CFAP46: variants seen among roughly 807,000 people sequenced by gnomAD.
CFAP46 encodes the protein cilia and flagella associated protein 46, also known as cilia- and flagella-associated protein 46.
CFAP46 carries 245 observed loss-of-function variants against 325.7 expected under a neutral mutation model. The ratio of observed to expected loss-of-function variants is 0.75; its 90% CI spans 0.68 to 0.84. The LOEUF (loss-of-function observed/expected upper bound fraction) is 0.84, where lower values mean the gene tolerates loss of function less well. Ranked by LOEUF, CFAP46 falls within the 40% of genes least tolerant of loss-of-function variation. The probability of loss-of-function intolerance (pLI) is 0.00; values close to 1 mark genes in which losing one functional copy is unlikely to be tolerated. For missense variants in CFAP46, 3,346 were observed against 3,543.0 expected, an observed-to-expected ratio of 0.94 and a Z score of 1.41; for synonymous variants, 1,523 against 1,495.9, an observed-to-expected ratio of 1.02 and a Z score of -0.42.
chr10:132,843,976 GCT>G (rs1217781098), intron 44 of CFAP46, among the ~76,000 whole-genome samples: 3 of 133,280 alleles, frequency 2.3e-5, no homozygotes, highest in Non-Finnish European at 4.9e-5. Flanking sequence ...GTGCTGTGGG[GCT>G]CTGGTCTCAG....
chr10:132,909,476 G>A (rs1849508214), intron 20 of CFAP46, among the ~76,000 whole-genome samples: 1 of 152,224 alleles, frequency 6.6e-6, no homozygotes. Flanking sequence ...CTTGTCTGAA[G>A]GCTGGGTGAC....
intron 50 of CFAP46, among the ~76,000 whole-genome samples, chr10:132,818,244 G>C (rs960498151): frequency 6.6e-6 from 1 of 152,024 alleles, no homozygotes. Context: ...GCGATGTGCA[G>C]ACAGCTGGAT....
intron 27 of CFAP46, among the ~76,000 whole-genome samples, chr10:132,882,669 G>T (rs970199136): frequency 4.6e-5 from 7 of 151,990 alleles, no homozygotes; most frequent in Non-Finnish European, 1.0e-4. Flanking sequence ...CTCAGGACGT[G>T]CAGTGAGATC....
chr10:132,923,939 G>A (rs1849767000), intron 11 of CFAP46, among the ~76,000 whole-genome samples: 1 of 152,174 alleles, frequency 6.6e-6, no homozygotes, highest in African/African-American at 2.4e-5. Context: ...GAAAAATTCA[G>A]GGAGCCCCAG....
chr10:132,929,919 G>A, intron 8 of CFAP46, 115 bp from the exon 9 acceptor site: 1 of 749,230 alleles, frequency 1.3e-6, no homozygotes, highest in Non-Finnish European at 2.1e-6. Context: ...GGTAGGATAA[G>A]AAATAAATAA....
intron 50 of CFAP46, among the ~76,000 whole-genome samples, chr10:132,821,356 C>CTG (rs1439642574): frequency 2.9e-5 from 3 of 102,696 alleles, no homozygotes; most frequent in East Asian, 3.2e-4. Flanking sequence ...CTGATGTGTG[C>CTG]TGTGTGTGCT....
At chr10:132,936,809 T>A (rs1304639940) in intron 7 of CFAP46, 152 bp downstream of exon 7, 2 of 420,216 alleles carry the variant, frequency 4.8e-6, no homozygotes, top group Non-Finnish European at 8.3e-6. Context: ...CACCCTGAGG[T>A]CTCCCAGGCT....
At chr10:132,940,307 A>G (rs192331952) in intron 4 of CFAP46, among the ~76,000 whole-genome samples, 2 of 152,244 alleles carry the variant, frequency 1.3e-5, no homozygotes, top group East Asian at 3.9e-4. Context: ...ATGTTCAAGC[A>G]AATATGCTTG....
At position 132,834,710 on chromosome 10, in the gene CFAP46, C is replaced by A. The variant is rs759903479; in HGVS notation, c.6810G>T (p.Gly2270=). The A allele has an allele frequency of 6.2e-7, 1 of 1,612,928 alleles. No individual in the cohort carries two copies. The highest frequency in any genetic ancestry group is 8.5e-7 in the Non-Finnish European group (1 of 1,179,888). ...RPVQRLSSVL[G]PLEELLQPLF... is the part of the protein sequence containing the mutation. ...GCGGCTGCAGAAGCTCCTCCAGGGG[C>A]CCCAGGACGCTACTGAGCCTCTGCA... The change falls in exon 48 of 58, where the codon GGG becomes GGT. Residue 2270 remains glycine, a synonymous_variant. Coordinates refer to ENST00000368586, the MANE Select transcript of CFAP46 (RefSeq NM_001200049.3).
Position 132,886,439 on chromosome 10 carries a change from G to A in CFAP46, c.3305-480C>T, listed in dbSNP as rs982454738. On this transcript the variant is annotated intron_variant, in intron 25 of 57. Transcript: ENST00000368586. The surrounding 1 kb of genome is among the most constrained non-coding windows in gnomAD (Gnocchi z 5.8). ...CGCAGGCAGCGGAGCCATGTGACAC[G>A]CAGAGGCAAAGGTGCCTGCCTTCAG... is the stretch of plus-strand genomic sequence containing the variant. Among the ~76,000 whole-genome samples the A allele has an allele frequency of 2.6e-5, 4 of 152,170 alleles. No homozygotes were observed. The highest frequency in any genetic ancestry group is 4.1e-4 in the South Asian group (2 of 4,832).
chr10:132,827,928 C>T lies in CFAP46; in HGVS notation c.7117+5430G>A, dbSNP rs559571320. Among the ~76,000 whole-genome samples, 2 of 152,142 alleles carry T rather than the reference C, an allele frequency of 1.3e-5. No individual in the cohort carries two copies. Among genetic ancestry groups the T allele is most frequent in the South Asian group, 2.1e-4 (1 of 4,814 alleles). Reference sequence around the variant, plus strand: ...CAGCGTAATCCTTCTGAGTGAGCCCCGTCACCCCTCGGCGTAATCCTTCTG... The same window carrying T: ...CAGCGTAATCCTTCTGAGTGAGCCCTGTCACCCCTCGGCGTAATCCTTCTG... On this transcript the variant is annotated intron_variant, in intron 50 of 57. Transcript: ENST00000368586. The surrounding 1 kb of genome is among the most constrained non-coding windows in gnomAD (Gnocchi z 5.7).
intron 50 of CFAP46, among the ~76,000 whole-genome samples, chr10:132,824,851 TGTG>T (rs1231702773): frequency 2.2e-5 from 3 of 134,986 alleles, no homozygotes; most frequent in Non-Finnish European, 3.2e-5. Context: ...TGAGCGCTGA[TGTG>T]TGTGTGTGCT....
chr10:132,885,485 T>TC (rs1849108988), intron 26 of CFAP46, among the ~76,000 whole-genome samples, 199 bp from the exon 27 acceptor site: 1 of 151,504 alleles, frequency 6.6e-6, no homozygotes, highest in Admixed American at 6.6e-5. Context: ...GGGTTTTCAG[T>TC]CCCCGCTCTC....
At chr10:132,814,503 T>G in intron 53 of CFAP46, 74 bp downstream of exon 53, 1 of 1,521,442 alleles carries the variant, frequency 6.6e-7, no homozygotes. Flanking sequence ...CACCAGTTGC[T>G]GCCCACAACT....
intron 50 of CFAP46, among the ~76,000 whole-genome samples, chr10:132,819,437 G>A (rs989782099): frequency 1.3e-5 from 2 of 152,168 alleles, no homozygotes; most frequent in African/African-American, 4.8e-5. Flanking sequence ...AATAATCAAA[G>A]CAATCCTGAG....
chr10:132,916,508 G>A (rs762266076), intron 17 of CFAP46, 41 bp downstream of exon 17: 76 of 1,527,944 alleles, frequency 5.0e-5, no homozygotes, highest in African/African-American at 1.4e-4. Context: ...TCTGACCCAC[G>A]GCCCCGGGCG....
Position 132,881,979 on chromosome 10 carries a change from CTGTGTGGGATGTGGGGTATGTGTGGTG to C in CFAP46, c.3628-974_3628-948del, listed in dbSNP as rs1294911647. Among the ~76,000 whole-genome samples, 1,125 of 135,846 alleles carry C rather than the reference CTGTGTGGGATGTGGGGTATGTGTGGTG, an allele frequency of 8.3e-3. 12 individuals are homozygous for C. The highest frequency in any genetic ancestry group is 0.029 in the African/African-American group (1,063 of 36,926). The allele number at this position is 135,846 out of a possible 152,430, so 89.1% of individuals were successfully genotyped here. ...ATGTGGGATGTGGGGTGTGTGTGGT[CTGTGTGGGATGTGGGGTATGTGTGGTG>C]TGTGTGGGATGTAAGGGGTGTGTGG... On this transcript the variant is annotated intron_variant, in intron 27 of 57. Coordinates refer to ENST00000368586, the MANE Select transcript of CFAP46 (RefSeq NM_001200049.3).
intron 22 of CFAP46, among the ~76,000 whole-genome samples, chr10:132,905,444 T>C (rs1326524247): frequency 6.9e-6 from 1 of 144,532 alleles, no homozygotes; most frequent in African/African-American, 2.6e-5. Context: ...ATCCCACATA[T>C]CTTTCCTTTT....
At chr10:132,853,379 G>A (rs1320218826) in intron 39 of CFAP46, among the ~76,000 whole-genome samples, 1 of 152,168 alleles carries the variant, frequency 6.6e-6, no homozygotes, top group Non-Finnish European at 1.5e-5. Flanking sequence ...TATTCCTGGG[G>A]TAACCTTGGC....
Sources: allele counts gnomAD v4.1 joint callset (sites outside exome capture counted in the v4.1 genomes callset), GRCh38; gene constraint gnomAD v4.1.1; non-coding constraint Gnocchi (gnomAD v3.1); transcripts MANE v1.5; gene names NCBI Gene and HGNC (gene_info 2026-07-23, HGNC 2026-07-21).